CUBN: variants seen among roughly 807,000 people sequenced by gnomAD.
The protein encoded by CUBN is 460 kDa receptor.
Under a neutral mutation model 405.3 loss-of-function variants are expected in CUBN, and 282 were observed. That is an observed-to-expected ratio of 0.70 (90% CI 0.63 to 0.77). The LOEUF (loss-of-function observed/expected upper bound fraction) is 0.77. CUBN is among the 30% of genes least tolerant of loss of function. CUBN has a pLI of 0.00. For synonymous variants in CUBN, 1,684 were observed against 1,617.0 expected, an observed-to-expected ratio of 1.04 and a Z score of -0.99; for missense variants, 4,514 against 4,475.2, an observed-to-expected ratio of 1.01 and a Z score of -0.25.
At chr10:16,988,566 T>A (rs541187175) in intron 29 of CUBN, among the ~76,000 whole-genome samples, 9 of 152,310 alleles carry the variant, frequency 5.9e-5, no homozygotes, top group African/African-American at 2.2e-4. Flanking sequence ...TCCTTGTGAC[T>A]CTCACTGAGA....
intron 27 of CUBN, among the ~76,000 whole-genome samples, chr10:17,031,101 T>C (rs1300081193): frequency 6.6e-6 from 1 of 152,114 alleles, no homozygotes; most frequent in Non-Finnish European, 1.5e-5. Flanking sequence ...TTGAGTAAAA[T>C]AAGTGGACAA....
At chr10:17,029,005 G>A (rs1431257774) in intron 27 of CUBN, among the ~76,000 whole-genome samples, 3 of 152,214 alleles carry the variant, frequency 2.0e-5, no homozygotes, top group Non-Finnish European at 4.4e-5. Context: ...CCAGTCTGAG[G>A]AGCAGAGCAA....
intron 27 of CUBN, among the ~76,000 whole-genome samples, chr10:17,026,000 T>C (rs1485615551): frequency 6.6e-6 from 1 of 152,150 alleles, no homozygotes. Context: ...GCAAGCAAAG[T>C]GGCTCTCATG....
intron 36 of CUBN, among the ~76,000 whole-genome samples, chr10:16,944,858 G>A (rs1357926086): frequency 2.0e-5 from 3 of 152,150 alleles, no homozygotes; most frequent in Admixed American, 6.5e-5. Context: ...ATTTATTTGT[G>A]AGCTATCACA....
Position 16,836,313 on chromosome 10 carries a change from T to C in CUBN, c.10102A>G (p.Met3368Val), listed in dbSNP as rs767333853. Residue 3368 changes from methionine to valine, a missense_variant, in exon 63 of 67, where the codon ATG becomes GTG. By Grantham distance (21) the Met-to-Val change is conservative (BLOSUM62 1). This residue lies in a region of CUBN where 1,186 missense variants were observed against 1,186.9 expected (regional missense o/e 1.00). Transcript: ENST00000377833. ...TTGAAAATGACCATTGCAGTACTCA[T>C]AGAAGAATAAAACACTGGCACAGCC... ...ASAVPVFYSS[M>V]STAMVIFKSG... 8.7e-5 allele frequency: 140 copies of C among 1,613,484 alleles called. 1 individual carries two copies. In the Middle Eastern group the frequency reaches 9.9e-4, roughly 11 times the overall value.
At chr10:16,981,146 G>A (rs932535469) in intron 31 of CUBN, among the ~76,000 whole-genome samples, 1 of 137,572 alleles carries the variant, frequency 7.3e-6, no homozygotes, top group Non-Finnish European at 1.6e-5. Flanking sequence ...CCCATCTGGT[G>A]CCCATAAGAA....
At chr10:16,925,145 A>C in intron 43 of CUBN, 96 bp downstream of exon 43, 2 of 925,176 alleles carry the variant, frequency 2.2e-6, no homozygotes, top group Non-Finnish European at 3.5e-6. Flanking sequence ...ATTCTTATTA[A>C]TTCTATTACT....
intron 22 of CUBN, among the ~76,000 whole-genome samples, chr10:17,058,430 G>T (rs547688349): frequency 6.6e-6 from 1 of 152,066 alleles, no homozygotes; most frequent in South Asian, 2.1e-4. Flanking sequence ...CAGACAGGTT[G>T]CACTCTCTAG....
At chr10:17,107,105 C>A (rs1836652498) in intron 10 of CUBN, among the ~76,000 whole-genome samples, 1 of 152,150 alleles carries the variant, frequency 6.6e-6, no homozygotes, top group African/African-American at 2.4e-5. Flanking sequence ...CATGAATTAA[C>A]ATCCACGATT....
chr10:16,864,992 C>CTTTTTTTTTTT (rs1840135437), intron 59 of CUBN, among the ~76,000 whole-genome samples: 1 of 81,782 alleles, frequency 1.2e-5, no homozygotes. Context: ...CGGAGTTTTG[C>CTTTTTTTTTTT]TCTTGTTGCC....
intron 34 of CUBN, among the ~76,000 whole-genome samples, chr10:16,949,268 T>G (rs541208301): frequency 1.3e-5 from 2 of 152,192 alleles, no homozygotes; most frequent in African/African-American, 4.8e-5. Flanking sequence ...TGTGGAGAGT[T>G]CATTGATTGT....
intron 22 of CUBN, among the ~76,000 whole-genome samples, chr10:17,050,155 C>T (rs370077602): frequency 3.3e-5 from 5 of 152,302 alleles, no homozygotes; most frequent in East Asian, 3.9e-4. Flanking sequence ...TCCTCTCTCT[C>T]TCTTCTTCCT....
chr10:17,067,144 G>T (rs541062406), intron 21 of CUBN, among the ~76,000 whole-genome samples: 19 of 151,922 alleles, frequency 1.3e-4, no homozygotes, highest in Non-Finnish European at 2.4e-4. Flanking sequence ...GAAAAGACGT[G>T]GGAAAGTATA....
chr10:17,113,328 T>A (rs1021577656), intron 8 of CUBN, among the ~76,000 whole-genome samples: 1 of 152,054 alleles, frequency 6.6e-6, no homozygotes, highest in Non-Finnish European at 1.5e-5. Flanking sequence ...TGTGGCTCCA[T>A]TTCTAAGAAC....
chr10:17,047,697 T>C, intron 22 of CUBN, 94 bp from the exon 23 acceptor site: 2 of 1,195,792 alleles, frequency 1.7e-6, no homozygotes, highest in Non-Finnish European at 2.4e-6. Flanking sequence ...TTTGTGCCTA[T>C]ACTTGATTTT....
chr10:17,111,037 A>G lies in CUBN; in HGVS notation c.897T>C (p.Asn299=), dbSNP rs765978501. The part of the protein sequence containing the change: ...CGACPTGWQG[N]GYICEDINEC... Reference sequence around the variant, plus strand: ...CATTGATATCTTCGCAAATATATCCATTGCCTTGCCAGCCTAGGAAAACAA... The same window carrying G: ...CATTGATATCTTCGCAAATATATCCGTTGCCTTGCCAGCCTAGGAAAACAA... The change falls in exon 9 of 67, where the codon AAT becomes AAC. Residue 299 remains asparagine (N), a synonymous_variant. Transcript: ENST00000377833. 3 of 1,614,198 alleles carry G rather than the reference A, an allele frequency of 1.9e-6. No individual in the cohort carries two copies. The highest frequency in any genetic ancestry group is 1.1e-5 in the South Asian group (1 of 91,092).
chr10:17,073,078 CATAGA>C (rs761622529), intron 17 of CUBN, among the ~76,000 whole-genome samples: 2 of 152,148 alleles, frequency 1.3e-5, no homozygotes, highest in African/African-American at 2.4e-5. Context: ...CATCCTCAAA[CATAGA>C]ATAATTTCCA....
chr10:17,028,250 ATTATT>A (rs1275375439), intron 27 of CUBN, among the ~76,000 whole-genome samples: 1 of 149,614 alleles, frequency 6.7e-6, no homozygotes, highest in Non-Finnish European at 1.5e-5. Context: ...TATTATTATT[ATTATT>A]ATTATTATGC....
At chr10:16,842,741 C>T (rs1383525470) in intron 60 of CUBN, among the ~76,000 whole-genome samples, 1 of 152,224 alleles carries the variant, frequency 6.6e-6, no homozygotes. Context: ...GGCAGATCCC[C>T]ATTGCACCTA....
Sources: gnomAD v4.1 joint callset for allele counts (sites outside exome capture counted in the v4.1 genomes callset) on GRCh38, gnomAD v4.1.1 for gene constraint, gnomAD v4.1.1 regional missense constraint, MANE v1.5 for transcripts, NCBI Gene and HGNC (gene_info 2026-07-23, HGNC 2026-07-21) for gene names.